EVC2: variants seen among roughly 807,000 people sequenced by gnomAD.
The protein encoded by EVC2 is limbin.
EVC2 carries 148 observed loss-of-function variants against 149.3 expected under a neutral mutation model. That is an observed-to-expected ratio of 0.99 (90% CI 0.87 to 1.14). The LOEUF (loss-of-function observed/expected upper bound fraction) is 1.14. Ranked by LOEUF, EVC2 falls within the 50% of genes most tolerant of loss-of-function variation. The pLI is 0.00. For missense variants in EVC2, 1,854 were observed against 1,627.3 expected (o/e 1.14, Z -2.40); for synonymous variants, 776 against 649.9 (o/e 1.19, Z -2.95).
At chr4:5,685,137 C>T (rs1720607353) in intron 6 of EVC2, among the ~76,000 whole-genome samples, 1 of 152,170 alleles carries the variant, frequency 6.6e-6, no homozygotes, top group Admixed American at 6.5e-5. Flanking sequence ...TTATGATAAC[C>T]TCATGTGAGG....
intron 17 of EVC2, among the ~76,000 whole-genome samples, chr4:5,584,082 G>T (rs1321505034): frequency 6.6e-6 from 1 of 152,056 alleles, no homozygotes; most frequent in Admixed American, 6.5e-5. Context: ...AATGTGAGGG[G>T]TTTTTTCCTT....
chr4:5,649,029 T>C (rs1346743469), intron 9 of EVC2, among the ~76,000 whole-genome samples: 1 of 152,216 alleles, frequency 6.6e-6, no homozygotes, highest in Non-Finnish European at 1.5e-5. Flanking sequence ...TTTTTAATTA[T>C]TCAGACAACA....
chr4:5,534,373 G>C, the EVC2 span, among the ~76,000 whole-genome samples: 540 of 152,270 alleles, frequency 3.5e-3, 4 homozygotes, highest in African/African-American at 0.012. Flanking sequence ...ATGGATGGGT[G>C]GATAGATGGA....
At chr4:5,536,523 A>T in the EVC2 span, among the ~76,000 whole-genome samples, 1 of 152,120 alleles carries the variant, frequency 6.6e-6, no homozygotes, top group Non-Finnish European at 1.5e-5. Flanking sequence ...GGTGGCTCAC[A>T]CCTGTAATCC....
chr4:5,576,553 T>C lies in EVC2; in HGVS notation c.3058-99A>G, dbSNP rs2108779075. 3 of 1,526,250 alleles carry C rather than the reference T, an allele frequency of 2.0e-6. No individual in the cohort carries two copies. In the South Asian group the frequency reaches 3.6e-5, roughly 18 times the overall value. 94.5% of individuals were successfully genotyped at this position (1,526,250 alleles called of 1,614,324 possible). A position where few individuals can be genotyped will look rare whatever the true frequency, so the allele number is the denominator to read the frequency against. Reference sequence around the variant, plus strand: ...TGGGTGTCTTGCTACAAGTCTGGCATGACTCTGTCTTGCCTGGTTCCCCAT... The same window carrying C: ...TGGGTGTCTTGCTACAAGTCTGGCACGACTCTGTCTTGCCTGGTTCCCCAT... On this transcript the variant is annotated intron_variant, in intron 17 of 21. Coordinates refer to ENST00000344408, the MANE Select transcript of EVC2 (RefSeq NM_147127.5). This position sits in a 1 kb window ranked among gnomAD's most constrained non-coding sequence, Gnocchi z 4.5.
intron 7 of EVC2, among the ~76,000 whole-genome samples, chr4:5,672,216 G>C (rs1217839149): frequency 6.6e-6 from 1 of 152,140 alleles, no homozygotes; most frequent in Non-Finnish European, 1.5e-5. Flanking sequence ...GGGCAGAGGA[G>C]AACGAGCTGG....
At chr4:5,630,418 T>A (rs1235948487) in intron 11 of EVC2, among the ~76,000 whole-genome samples, 2 of 152,162 alleles carry the variant, frequency 1.3e-5, no homozygotes, top group Non-Finnish European at 2.9e-5. Flanking sequence ...CGCCACTGTC[T>A]TAGCAATGGA....
At chr4:5,680,689 C>G (rs1427326990) in intron 7 of EVC2, among the ~76,000 whole-genome samples, 1 of 152,150 alleles carries the variant, frequency 6.6e-6, no homozygotes, top group Non-Finnish European at 1.5e-5. Context: ...ATCTGTCTCA[C>G]AAGACTGTGG....
chr4:5,630,878 G>A (rs1360915473), intron 11 of EVC2, among the ~76,000 whole-genome samples: 1 of 152,172 alleles, frequency 6.6e-6, no homozygotes, highest in East Asian at 1.9e-4. Flanking sequence ...TAAAATAAGA[G>A]TTTGCTCACA....
downstream of EVC2, among the ~76,000 whole-genome samples, chr4:5,538,982 T>C (rs1291075142): frequency 6.6e-6 from 1 of 152,122 alleles, no homozygotes; most frequent in Non-Finnish European, 1.5e-5. Flanking sequence ...ATAAAAAGCA[T>C]TCAGATTGGA....
In EVC2 at chr4:5,655,316, G is replaced by A. The variant is rs116652519; in HGVS notation, c.1145+7791C>T. On this transcript the variant is annotated intron_variant, in intron 9 of 21. Coordinates refer to ENST00000344408, the MANE Select transcript of EVC2 (RefSeq NM_147127.5). ...TCCTGCCAGCCATCTGGTGCTCCAG[G>A]TGAACTCTGATACTGATCCTTCCAG... Among the ~76,000 whole-genome samples the A allele has an allele frequency of 4.6e-5, 7 of 152,262 alleles. No individual in the cohort carries two copies. In the East Asian group the frequency reaches 1.4e-3, roughly 29 times the overall value.
rs1222989597 is a variant in EVC2 at position 5,670,240 on chromosome 4, A to G, written c.871-4591T>C. On this transcript the variant is annotated intron_variant, in intron 7 of 21. Coordinates refer to ENST00000344408, the MANE Select transcript of EVC2 (RefSeq NM_147127.5). The surrounding 1 kb of genome is among the most constrained non-coding windows in gnomAD (Gnocchi z 5.2). ...TATCAACATCATCAATATCCCCATC[A>G]TAACTATCTTTACCATCACCATCAT... is the stretch of plus-strand genomic sequence containing the variant. 1.3e-5 allele frequency among the ~76,000 whole-genome samples: 2 copies of G among 152,130 alleles called. No homozygotes were observed. The highest frequency in any genetic ancestry group is 4.8e-5 in the African/African-American group (2 of 41,408).
chr4:5,581,305 G>T (rs892062378), intron 17 of EVC2, among the ~76,000 whole-genome samples: 4 of 152,184 alleles, frequency 2.6e-5, no homozygotes, highest in African/African-American at 9.6e-5. Flanking sequence ...CTCAGAAGAA[G>T]ACACAAAGAT....
chr4:5,689,391 G>C (rs758268157), intron 4 of EVC2, 48 bp from the exon 5 acceptor site: 15 of 1,605,106 alleles, frequency 9.3e-6, no homozygotes, highest in Admixed American at 3.3e-5. Flanking sequence ...GACAAGTCCA[G>C]CTTCCTAAAA....
intron 16 of EVC2, among the ~76,000 whole-genome samples, chr4:5,590,672 T>C (rs1167757459): frequency 6.6e-6 from 1 of 151,982 alleles, no homozygotes; most frequent in Non-Finnish European, 1.5e-5. Context: ...GTGAGGGTTT[T>C]AGTGTCCTCT....
rs1313805019 is a variant in EVC2 at position 5,697,600 on chromosome 4, C to G, written c.276G>C (p.Lys92Asn). Residue 92 changes from lysine (K) to asparagine (N), a missense_variant, in exon 2 of 22, where the codon AAG (lysine) becomes AAC (asparagine). Lys to Asn is a moderately conservative substitution (Grantham distance 94, BLOSUM62 0). Coordinates refer to ENST00000344408, the MANE Select transcript of EVC2 (RefSeq NM_147127.5). ...ACCAGAAGAAAAACTCACCTGCAGT[C>G]TTAAAGTGACAGCATTCCACTTTGG... is the stretch of plus-strand genomic sequence containing the variant. ...IWPKVECCHF[K>N]TAVEAPLGMK... The G allele has an allele frequency of 1.2e-5, 20 of 1,614,162 alleles. No individual in the cohort carries two copies. Among genetic ancestry groups the G allele is most frequent in the Non-Finnish European group, 1.5e-5 (18 of 1,180,024 alleles).
At chr4:5,642,193 T>A (rs1420266191) in intron 9 of EVC2, among the ~76,000 whole-genome samples, 1 of 152,230 alleles carries the variant, frequency 6.6e-6, no homozygotes, top group Non-Finnish European at 1.5e-5. Context: ...TCGATGGGCA[T>A]TTGGGTTGGT....
At chr4:5,699,422 C>G (rs919397481) in intron 1 of EVC2, among the ~76,000 whole-genome samples, 5 of 152,138 alleles carry the variant, frequency 3.3e-5, no homozygotes, top group African/African-American at 4.8e-5. Context: ...CAGCATGATT[C>G]AGAATTCCAC....
chr4:5,703,408 C>T (rs1416368468), intron 1 of EVC2, among the ~76,000 whole-genome samples: 3 of 152,118 alleles, frequency 2.0e-5, no homozygotes, highest in African/African-American at 7.2e-5. Context: ...GACTCAGGCA[C>T]GTTGAGTGCT....
Sources: gnomAD v4.1 joint callset for allele counts (sites outside exome capture counted in the v4.1 genomes callset) on GRCh38, gnomAD v4.1.1 for gene constraint, Gnocchi (gnomAD v3.1) non-coding constraint, MANE v1.5 for transcripts, NCBI Gene and HGNC (gene_info 2026-07-23, HGNC 2026-07-21) for gene names.